ANO1: variants seen among roughly 807,000 people sequenced by gnomAD.
ANO1 encodes the protein anoctamin 1.
Under a neutral mutation model 124.0 loss-of-function variants are expected in ANO1, and 59 were observed. That is an observed-to-expected ratio of 0.48 (90% CI 0.39 to 0.59). The LOEUF (loss-of-function observed/expected upper bound fraction) is 0.59, where lower values mean the gene tolerates loss of function less well. Ranked by LOEUF, ANO1 falls within the 20% of genes least tolerant of loss-of-function variation. ANO1 has a pLI of 0.00. For synonymous variants in ANO1, 529 were observed against 532.0 expected, an observed-to-expected ratio of 0.99 and a Z score of 0.08; for missense variants, 1,059 against 1,328.0, an observed-to-expected ratio of 0.80 and a Z score of 3.15.
chr11:70,101,427 A>C (rs1438020465), intron 2 of ANO1, among the ~76,000 whole-genome samples: 1 of 151,828 alleles, frequency 6.6e-6, no homozygotes, highest in Non-Finnish European at 1.5e-5. Context: ...GTGGTGGTGC[A>C]TGCCTGTAAT....
intron 6 of ANO1, among the ~76,000 whole-genome samples, chr11:70,108,960 C>T (rs563950674): frequency 6.6e-6 from 1 of 152,344 alleles, no homozygotes; most frequent in South Asian, 2.1e-4. Flanking sequence ...AAAATCTTCC[C>T]AATTAAATTG....
At chr11:70,114,792 G>A (rs1305804101) in intron 7 of ANO1, among the ~76,000 whole-genome samples, 1 of 152,138 alleles carries the variant, frequency 6.6e-6, no homozygotes, top group East Asian at 1.9e-4. Context: ...CCAGCTACTA[G>A]GGAGGCTGAG....
chr11:70,051,564 G>A (rs370253127), intron 1 of ANO1, among the ~76,000 whole-genome samples: 4 of 152,142 alleles, frequency 2.6e-5, no homozygotes, highest in African/African-American at 7.2e-5. Flanking sequence ...TTTGTTTTGG[G>A]GTCTGGTTTT....
chr11:70,115,150 G>T (rs1321746876), intron 7 of ANO1, among the ~76,000 whole-genome samples: 2 of 152,078 alleles, frequency 1.3e-5, no homozygotes, highest in Non-Finnish European at 2.9e-5. Flanking sequence ...TGCTCTCAGA[G>T]CGTCTTCGTT....
At chr11:70,164,344 G>A (rs762109156) in intron 19 of ANO1, among the ~76,000 whole-genome samples, 1 of 152,234 alleles carries the variant, frequency 6.6e-6, no homozygotes, top group Admixed American at 6.5e-5. Context: ...GCTGTCTGGA[G>A]TGCAGCCTAG....
At chr11:70,020,109 G>A (rs1440503130) in intron 1 of ANO1, among the ~76,000 whole-genome samples, 1 of 152,244 alleles carries the variant, frequency 6.6e-6, no homozygotes, top group Non-Finnish European at 1.5e-5. Context: ...TATCCCCCCA[G>A]CTGGGGCAGA....
intron 10 of ANO1, among the ~76,000 whole-genome samples, chr11:70,128,753 C>G (rs899093722): frequency 3.9e-5 from 6 of 152,250 alleles, no homozygotes; most frequent in Admixed American, 6.5e-5. Context: ...GCTTCCTGCT[C>G]TTTGTATTTT....
At chr11:70,031,148 T>C (rs1359231258) in intron 1 of ANO1, among the ~76,000 whole-genome samples, 1 of 152,196 alleles carries the variant, frequency 6.6e-6, no homozygotes, top group East Asian at 1.9e-4. Flanking sequence ...TTTCACCATG[T>C]TGCCCAGGCT....
At chr11:70,050,328 T>A (rs1433133375) in intron 1 of ANO1, among the ~76,000 whole-genome samples, 2 of 152,134 alleles carry the variant, frequency 1.3e-5, no homozygotes, top group Non-Finnish European at 1.5e-5. Context: ...GGCTGCAGGA[T>A]TGGAGGGCCA....
intron 1 of ANO1, among the ~76,000 whole-genome samples, chr11:70,086,895 G>C (rs1339736994): frequency 1.3e-5 from 2 of 152,228 alleles, no homozygotes; most frequent in African/African-American, 4.8e-5. Flanking sequence ...GTTTGGGGGA[G>C]AGCCCTGACT....
chr11:70,150,348 G>C (rs944917458), intron 12 of ANO1, among the ~76,000 whole-genome samples: 27 of 152,154 alleles, frequency 1.8e-4, no homozygotes, highest in African/African-American at 6.5e-4. Flanking sequence ...TCAATATTAC[G>C]TAGCCCCTGG....
intron 1 of ANO1, among the ~76,000 whole-genome samples, chr11:70,057,925 G>A (rs1339432335): frequency 6.6e-6 from 1 of 152,154 alleles, no homozygotes; most frequent in Non-Finnish European, 1.5e-5. Flanking sequence ...GAAGTGTTGG[G>A]GCAGCAAAAA....
intron 18 of ANO1, among the ~76,000 whole-genome samples, chr11:70,162,764 C>G (rs1046507383): frequency 1.2e-4 from 18 of 152,314 alleles, no homozygotes; most frequent in Admixed American, 9.1e-4. Flanking sequence ...CTGAGCGCAT[C>G]CAGGATGGAG....
At chr11:70,178,496 CAG>C (rs1024217338) in intron 22 of ANO1, among the ~76,000 whole-genome samples, 6 of 152,122 alleles carry the variant, frequency 3.9e-5, no homozygotes, top group African/African-American at 9.7e-5. Flanking sequence ...GGACTGGAGA[CAG>C]GGGTCAGGGA....
At chr11:70,012,612 A>C (rs1856619597) in intron 1 of ANO1, among the ~76,000 whole-genome samples, 1 of 141,964 alleles carries the variant, frequency 7.0e-6, no homozygotes, top group African/African-American at 2.7e-5. Flanking sequence ...ACATTCATCC[A>C]TCCCCTTTGT....
chr11:70,164,290 T>C (rs2048169249), intron 19 of ANO1, among the ~76,000 whole-genome samples: 1 of 152,140 alleles, frequency 6.6e-6, no homozygotes, highest in South Asian at 2.1e-4. Flanking sequence ...CCCTGTGGAA[T>C]AAGATATCGA....
chr11:70,041,360 C>T (rs1251311073), intron 1 of ANO1, among the ~76,000 whole-genome samples: 4 of 152,180 alleles, frequency 2.6e-5, no homozygotes, highest in African/African-American at 9.7e-5. Flanking sequence ...TATTTCACAT[C>T]TGGGTTTGTG....
chr11:70,161,271 A>G lies in ANO1; in HGVS notation c.1689A>G (p.Thr563=), dbSNP rs763629876. 1 of 1,613,714 alleles carries G rather than the reference A, an allele frequency of 6.2e-7. No individual in the cohort carries two copies. The highest frequency in any genetic ancestry group is 8.5e-7 in the Non-Finnish European group (1 of 1,179,632). Residue 563 remains threonine, a synonymous_variant, in exon 17 of 26, where the codon ACA becomes ACG. Coordinates refer to ENST00000355303, the MANE Select transcript of ANO1 (RefSeq NM_018043.7). Reference sequence around the variant, plus strand: ...CCGTGCGGTCCAACATCCGGGTCACAGTCACAGCCACCGCAGTCATCATCA... The same window carrying G: ...CCGTGCGGTCCAACATCCGGGTCACGGTCACAGCCACCGCAGTCATCATCA... ...SPSVRSNIRV[T]VTATAVIINL... is the part of the protein sequence containing the mutation.
chr11:70,169,914 C>T (rs1056622633), intron 21 of ANO1: 14 of 301,426 alleles, frequency 4.6e-5, no homozygotes, highest in Admixed American at 4.3e-4. Flanking sequence ...TCCTGCTGTG[C>T]AGTTCCCGAA....
Sources: gnomAD v4.1 joint callset for allele counts (sites outside exome capture counted in the v4.1 genomes callset) on GRCh38, gnomAD v4.1.1 for gene constraint, MANE v1.5 for transcripts, NCBI Gene and HGNC (gene_info 2026-07-23, HGNC 2026-07-21) for gene names.